The following CYTH3 variants were observed in gnomAD, a reference collection of about 807,000 sequenced individuals.
CYTH3 encodes the protein cytohesin-3.
CYTH3 carries 23 observed loss-of-function variants against 55.1 expected under a neutral mutation model. That is an observed-to-expected ratio of 0.42 (90% CI 0.30 to 0.59). The LOEUF (loss-of-function observed/expected upper bound fraction) is 0.59. Among genes scored for constraint, CYTH3 ranks in the 20% least tolerant of loss-of-function variants. The pLI is 0.20. For missense variants in CYTH3, 413 were observed against 524.8 expected, an observed-to-expected ratio of 0.79 and a Z score of 2.08; for synonymous variants, 249 against 194.9, an observed-to-expected ratio of 1.28 and a Z score of -2.31.
intron 12 of CYTH3, 44 bp downstream of exon 12, chr7:6,165,229 G>A (rs1054135898): frequency 1.3e-6 from 2 of 1,583,852 alleles, no homozygotes; most frequent in Non-Finnish European, 1.7e-6. Flanking sequence ...CCTCCAACCG[G>A]CACGAGAAGA....
At chr7:6,207,087 T>A (rs1017960513) in intron 1 of CYTH3, among the ~76,000 whole-genome samples, 1 of 76,024 alleles carries the variant, frequency 1.3e-5, no homozygotes, top group East Asian at 3.0e-3. Context: ...AATGTGCAAC[T>A]TTTTTTTTTT....
At chr7:6,181,642 G>A (rs1429835355) in intron 4 of CYTH3, among the ~76,000 whole-genome samples, 2 of 152,110 alleles carry the variant, frequency 1.3e-5, no homozygotes, top group African/African-American at 4.8e-5. Context: ...TGGGGCCTTT[G>A]AATCTAAGGA....
intron 1 of CYTH3, 114 bp from the exon 2 acceptor site, chr7:6,190,645 A>C: frequency 2.6e-6 from 2 of 774,982 alleles, no homozygotes; most frequent in Non-Finnish European, 3.9e-6. Context: ...TATTTATCCT[A>C]AAGAAATGCT....
intron 1 of CYTH3, among the ~76,000 whole-genome samples, chr7:6,260,156 T>C (rs1780314393): frequency 6.6e-6 from 1 of 151,878 alleles, no homozygotes; most frequent in Admixed American, 6.6e-5. Context: ...AAGCAGCTTT[T>C]AGGGTACTTT....
chr7:6,242,713 C>A (rs1408715811), intron 1 of CYTH3, among the ~76,000 whole-genome samples: 2 of 152,082 alleles, frequency 1.3e-5, no homozygotes, highest in Admixed American at 1.3e-4. Context: ...ACATTTTCAA[C>A]AAGTGAAGGC....
At chr7:6,206,861 G>A (rs1170291938) in intron 1 of CYTH3, among the ~76,000 whole-genome samples, 2 of 152,076 alleles carry the variant, frequency 1.3e-5, no homozygotes, top group African/African-American at 4.8e-5. Context: ...ATCAAGTAAA[G>A]GTCAAATCCC....
At chr7:6,267,932 C>T (rs1325040007) in intron 1 of CYTH3, among the ~76,000 whole-genome samples, 1 of 152,120 alleles carries the variant, frequency 6.6e-6, no homozygotes. Context: ...AAAGTGAAGA[C>T]AGATTATTCA....
chr7:6,165,960 C>T (rs973524865), intron 9 of CYTH3, 150 bp from the exon 10 acceptor site: 8 of 730,388 alleles, frequency 1.1e-5, no homozygotes, highest in African/African-American at 5.3e-5. Context: ...GCGTTCCCAC[C>T]GCAGGGCCCC....
chr7:6,268,200 ACT>A (rs1491540898), intron 1 of CYTH3, among the ~76,000 whole-genome samples: 1 of 151,870 alleles, frequency 6.6e-6, no homozygotes, highest in Non-Finnish European at 1.5e-5. Flanking sequence ...ACAGGGTCTC[ACT>A]CTGTTGCCCA....
chr7:6,183,012 G>C (rs529406481), intron 4 of CYTH3, among the ~76,000 whole-genome samples: 2 of 152,368 alleles, frequency 1.3e-5, no homozygotes, highest in Admixed American at 1.3e-4. Flanking sequence ...ATCTGGAAGA[G>C]GAGCAGGTCA....
rs1303783826 is a variant in CYTH3 at position 6,170,935 on chromosome 7, G to A, written c.606C>T (p.Thr202=). 6.2e-7 allele frequency: 1 copy of A among 1,613,916 alleles called. No individual in the cohort carries two copies. The highest frequency in any genetic ancestry group is 8.5e-7 in the Non-Finnish European group (1 of 1,179,952). The change falls in exon 8 of 13, where the codon ACC becomes ACT. Residue 202 remains threonine, a synonymous_variant. Transcript: ENST00000350796. This position sits in a 1 kb window ranked among gnomAD's most constrained non-coding sequence, Gnocchi z 7.8. ...CACGCACGTTGTGGTTGTGGAGGCT[G>A]GTGTTGAGCATGATGATGGCGAATG... ...VLSFAIIMLN[T]SLHNHNVRDK...
At chr7:6,212,637 T>G (rs1342533568) in intron 1 of CYTH3, 1 of 152,254 alleles carries the variant, frequency 6.6e-6, no homozygotes, top group African/African-American at 2.4e-5. Context: ...CAATTTTTTT[T>G]TAAAGATTAG....
At chr7:6,246,043 A>G (rs1779805779) in intron 1 of CYTH3, among the ~76,000 whole-genome samples, 1 of 152,100 alleles carries the variant, frequency 6.6e-6, no homozygotes, top group African/African-American at 2.4e-5. Flanking sequence ...TCTAAAACAC[A>G]GGGCAAAATA....
At chr7:6,221,122 T>C (rs1252015400) in intron 1 of CYTH3, among the ~76,000 whole-genome samples, 1 of 152,194 alleles carries the variant, frequency 6.6e-6, no homozygotes, top group African/African-American at 2.4e-5. Flanking sequence ...ACAGCAACTT[T>C]ACTCGTAATA....
intron 2 of CYTH3, 57 bp from the exon 3 acceptor site, chr7:6,187,778 G>A (rs1562886501): frequency 7.0e-7 from 1 of 1,426,530 alleles, no homozygotes; most frequent in African/African-American, 1.4e-5. Flanking sequence ...CCTCCCCTGA[G>A]ACTCAGAAAT....
At chr7:6,166,059 GGA>G (rs1782994378) in intron 9 of CYTH3, among the ~76,000 whole-genome samples, 1 of 152,216 alleles carries the variant, frequency 6.6e-6, no homozygotes. Context: ...TCGCTTCCTG[GGA>G]GAGTTAGTGG....
At chr7:6,190,378 A>G in intron 2 of CYTH3, 71 bp downstream of exon 2, 2 of 906,998 alleles carry the variant, frequency 2.2e-6, no homozygotes, top group Non-Finnish European at 2.8e-6. Flanking sequence ...TTGTGAGGCT[A>G]CTCTTTTACT....
At chr7:6,172,040 C>T (rs572620604) in intron 6 of CYTH3, 40 of 153,358 alleles carry the variant, frequency 2.6e-4, no homozygotes, top group Non-Finnish European at 4.2e-4. Flanking sequence ...GCAGGGGCTG[C>T]AGTCCCCATG....
rs371557635 is a variant in CYTH3 at position 6,171,021 on chromosome 7, T to C, written c.563-43A>G. 43 of 1,611,008 alleles carry C rather than the reference T, an allele frequency of 2.7e-5. No homozygotes were observed. Among genetic ancestry groups the C allele is most frequent in the Non-Finnish European group, 3.4e-5 (40 of 1,178,910 alleles). The stretch of plus-strand genomic sequence containing the variant: ...TGCTGGGCTCAGCCAGAACCTCCAG[T>C]GGACAGTGGGACCCCGCGTGCTGGG... On this transcript the variant is annotated intron_variant, in intron 7 of 12. Transcript: ENST00000350796. This position sits in a 1 kb window ranked among gnomAD's most constrained non-coding sequence, Gnocchi z 6.7.
Sources: allele counts gnomAD v4.1 joint callset (sites outside exome capture counted in the v4.1 genomes callset), GRCh38; gene constraint gnomAD v4.1.1; non-coding constraint Gnocchi (gnomAD v3.1); transcripts MANE v1.5; gene names NCBI Gene and HGNC (gene_info 2026-07-23, HGNC 2026-07-21).